Variants in ALKBH3 observed in about 807,000 individuals in gnomAD.
The protein encoded by ALKBH3 is alpha-ketoglutarate-dependent dioxygenase alkB homolog 3.
ALKBH3 carries 51 observed loss-of-function variants against 43.9 expected under a neutral mutation model. That is an observed-to-expected ratio of 1.16 (90% CI 0.93 to 1.47). ALKBH3 has a LOEUF of 1.47. Ranked by LOEUF, ALKBH3 falls within the 40% of genes most tolerant of loss-of-function variation. The pLI is 0.00. For synonymous variants in ALKBH3, 102 were observed against 115.2 expected, an observed-to-expected ratio of 0.89 and a Z score of 0.73; for missense variants, 361 against 351.9, an observed-to-expected ratio of 1.03 and a Z score of -0.21.
At chr11:43,885,222 G>C (rs1951738988) in intron 4 of ALKBH3, among the ~76,000 whole-genome samples, 1 of 152,158 alleles carries the variant, frequency 6.6e-6, no homozygotes, top group Admixed American at 6.5e-5. Flanking sequence ...CCTAGAATCT[G>C]TTAATTCTCA....
chr11:43,887,795 G>C (rs199748713), intron 5 of ALKBH3, among the ~76,000 whole-genome samples: 1 of 141,690 alleles, frequency 7.1e-6, no homozygotes, highest in Non-Finnish European at 1.6e-5. Context: ...GTTTTTTTTT[G>C]TTTTGTGTTT....
At chr11:43,910,994 C>T (rs1261360475) in intron 8 of ALKBH3, among the ~76,000 whole-genome samples, 1 of 152,326 alleles carries the variant, frequency 6.6e-6, no homozygotes, top group East Asian at 1.9e-4. Flanking sequence ...TAGCAGTGAA[C>T]ATGACAAACA....
intron 3 of ALKBH3, among the ~76,000 whole-genome samples, 186 bp downstream of exon 3, chr11:43,883,374 C>T (rs760581272): frequency 3.3e-5 from 5 of 152,158 alleles, no homozygotes; most frequent in African/African-American, 1.2e-4. Flanking sequence ...TCGTAGTCTG[C>T]TCCCAGTTTA....
In ALKBH3 at chr11:43,880,910, G is replaced by C. The variant is rs1234717260; in HGVS notation, c.-340G>C. Reference sequence around the variant, plus strand: ...CCCCAAGTCCTACCGGGTTTGCACGGGCGCGCCCGGCTCCGCCCGCAAGTG... The same window carrying C: ...CCCCAAGTCCTACCGGGTTTGCACGCGCGCGCCCGGCTCCGCCCGCAAGTG... On this transcript the variant is annotated 5_prime_UTR_variant, in exon 1 of 10. Transcript: ENST00000302708. 1 of 152,588 alleles carries C rather than the reference G, an allele frequency of 6.6e-6. No homozygotes were observed. The highest frequency in any genetic ancestry group is 2.4e-5 in the African/African-American group (1 of 41,590). 9.5% of individuals were successfully genotyped at this position (152,588 alleles called of 1,614,324 possible).
intron 7 of ALKBH3, chr11:43,899,164 G>C (rs1333770268): frequency 3.8e-6 from 3 of 788,372 alleles, no homozygotes; most frequent in South Asian, 2.7e-5. Context: ...GACTCCCTAG[G>C]GGCCCCACCT....
At chr11:43,905,665 G>A (rs1951891244) in intron 8 of ALKBH3, among the ~76,000 whole-genome samples, 1 of 152,014 alleles carries the variant, frequency 6.6e-6, no homozygotes, top group Non-Finnish European at 1.5e-5. Flanking sequence ...CTGTTGTCAG[G>A]CTATATTGTC....
chr11:43,884,014 TTGAG>T lies in ALKBH3; in HGVS notation c.217_218+2del. 1 of 1,613,954 alleles carries T rather than the reference TTGAG, an allele frequency of 6.2e-7. No individual in the cohort carries two copies. On this transcript the variant is annotated splice_donor_variant and coding_sequence_variant, in exon 4 of 10. Transcript: ENST00000302708. LOFTEE classifies it high-confidence loss of function. ...CGTAGAGCTCCTGAGCCACGAGTGA[TTGAG>T]TAAGTAATTTGCTGTCTTCCTGTAA...
At chr11:43,883,022 T>C (rs1439993365) in intron 2 of ALKBH3, 63 bp from the exon 3 acceptor site, 1 of 1,360,538 alleles carries the variant, frequency 7.4e-7, no homozygotes, top group Non-Finnish European at 1.0e-6. Context: ...TGGCCCTTGC[T>C]CAGTAGAAGG....
intron 8 of ALKBH3, chr11:43,910,313 GCAT>G (rs1951928322): frequency 6.6e-6 from 1 of 152,126 alleles, no homozygotes; most frequent in African/African-American, 2.4e-5. Flanking sequence ...TACATTCTTA[GCAT>G]TTAGTTCTAC....
At chr11:43,913,464 TAAAC>T (rs1951957797) in intron 8 of ALKBH3, among the ~76,000 whole-genome samples, 1 of 152,224 alleles carries the variant, frequency 6.6e-6, no homozygotes, top group East Asian at 1.9e-4. Flanking sequence ...AATAATAAAT[TAAAC>T]AAATCCACTA....
At chr11:43,916,179 C>T (rs1951982233) in intron 8 of ALKBH3, among the ~76,000 whole-genome samples, 1 of 152,120 alleles carries the variant, frequency 6.6e-6, no homozygotes, top group Admixed American at 6.5e-5. Flanking sequence ...GTTTAGGTTT[C>T]CCATCTGTTG....
At chr11:43,897,960 T>G in intron 7 of ALKBH3, 1 of 786,216 alleles carries the variant, frequency 1.3e-6, no homozygotes, top group South Asian at 1.3e-5. Context: ...GCATAACCTT[T>G]GTGCCCCATT....
chr11:43,911,348 G>A (rs1590379993), intron 8 of ALKBH3, among the ~76,000 whole-genome samples: 2 of 152,192 alleles, frequency 1.3e-5, no homozygotes, highest in Admixed American at 1.3e-4. Flanking sequence ...CTTGAGCAGT[G>A]GTGAGTGGAG....
rs1470529313 is a variant in ALKBH3 at position 43,899,384 on chromosome 11, G to A, written c.460-2132G>A. 7.0e-5 allele frequency: 49 copies of A among 702,362 alleles called. 1 individual carries two copies. In the East Asian group the frequency reaches 9.2e-4, roughly 13 times the overall value. The allele number at this position is 702,362 out of a possible 1,614,324, so 43.5% of individuals were successfully genotyped here. On this transcript the variant is annotated intron_variant, in intron 7 of 9. Coordinates refer to ENST00000302708, the MANE Select transcript of ALKBH3 (RefSeq NM_139178.4). ...CCTGCCCCAGGTGGATGATGTGCTC[G>A]CGTCCCTGCAGATCTCTTCGCACAA...
Position 43,919,820 on chromosome 11 carries a change from G to A in ALKBH3, c.769-98G>A, listed in dbSNP as rs117857310. 127 of 1,136,842 alleles carry A rather than the reference G, an allele frequency of 1.1e-4. 1 individual carries two copies. The East Asian group carries it at 3.0e-3, about 27-fold the overall frequency. 70.4% of individuals were successfully genotyped at this position (1,136,842 alleles called of 1,614,324 possible). ...CTACTCATTTAAGGGGGATGAGATG[G>A]AAATATTTCTGCATTCTCATGAATA... On this transcript the variant is annotated intron_variant, in intron 9 of 9. Transcript: ENST00000302708.
intron 8 of ALKBH3, among the ~76,000 whole-genome samples, chr11:43,905,908 T>C (rs1353413091): frequency 6.6e-6 from 1 of 152,240 alleles, no homozygotes; most frequent in Non-Finnish European, 1.5e-5. Context: ...GGCAGGCTGC[T>C]ATTTCTCTGT....
Position 43,901,601 on chromosome 11 carries a change from G to T in ALKBH3, c.545G>T (p.Arg182Leu), listed in dbSNP as rs372711510. Residue 182 changes from arginine to leucine, a missense_variant, in exon 8 of 10, where the codon CGC becomes CTC. Physicochemically the swap from Arg to Leu is moderately radical, Grantham distance 102. Transcript: ENST00000302708. ...TFNSLLCNLY[R>L]NEKDSVDWHS... ...AACTCCTTACTCTGCAATCTTTATC[G>T]CAATGAGAAGGACAGCGTGGACTGG... 10 of 1,614,094 alleles carry T rather than the reference G, an allele frequency of 6.2e-6. No homozygotes were observed. The Admixed American group carries it at 8.3e-5, about 13-fold the overall frequency.
At position 43,884,021 on chromosome 11, in the gene ALKBH3, A is replaced by G. The variant is rs1022337871; in HGVS notation, c.218+4A>G. ...CTCCTGAGCCACGAGTGATTGAGTAAGTAATTTGCTGTCTTCCTGTAATTG... is the reference window on the plus strand; with the variant it reads ...CTCCTGAGCCACGAGTGATTGAGTAGGTAATTTGCTGTCTTCCTGTAATTG... On this transcript the variant is annotated splice_donor_region_variant and intron_variant, in intron 4 of 9. Transcript: ENST00000302708. 3.7e-6 allele frequency: 6 copies of G among 1,613,790 alleles called. No homozygotes were observed. In the African/African-American group the frequency reaches 8.0e-5, roughly 22 times the overall value.
intron 6 of ALKBH3, 132 bp downstream of exon 6, chr11:43,889,960 G>A: frequency 4.0e-6 from 3 of 741,852 alleles, no homozygotes; most frequent in South Asian, 3.7e-5. Context: ...TAAGAAAGTA[G>A]AATTAGCCAA....
Sources: allele counts gnomAD v4.1 joint callset (sites outside exome capture counted in the v4.1 genomes callset), GRCh38; gene constraint gnomAD v4.1.1; transcripts MANE v1.5; gene names NCBI Gene and HGNC (gene_info 2026-07-23, HGNC 2026-07-21).